Variants in TRIML1 observed in about 807,000 individuals in gnomAD.
TRIML1 encodes probable E3 ubiquitin-protein ligase TRIML1.
TRIML1 carries 34 observed loss-of-function variants against 32.3 expected under a neutral mutation model. The observed-to-expected ratio is 1.05, with a 90% CI of 0.80 to 1.40. The LOEUF is 1.40. Among genes scored for constraint, TRIML1 ranks in the 40% most tolerant of loss-of-function variants. TRIML1 has a pLI of 0.00. For synonymous variants in TRIML1, 244 were observed against 226.6 expected (o/e 1.08, Z -0.69); for missense variants, 595 against 574.9 (o/e 1.03, Z -0.36).
At chr4:188,149,863 C>G (rs555556330), downstream of TRIML1, among the ~76,000 whole-genome samples, 24 of 152,198 alleles carry the variant, frequency 1.6e-4, no homozygotes, top group East Asian at 3.7e-3. Context: ...AATGCAGTGG[C>G]GCCATCTTGG....
chr4:188,137,924 CT>C (rs57365206), upstream of TRIML1, among the ~76,000 whole-genome samples: 18 of 140,760 alleles, frequency 1.3e-4, no homozygotes, highest in African/African-American at 2.8e-4. Context: ...AACTTTTTTT[CT>C]TTTTTTTTTT....
In TRIML1 at chr4:188,139,463, T is replaced by G; in HGVS notation, c.-96T>G. The G allele has an allele frequency of 8.0e-7, 1 of 1,243,082 alleles. No individual in the cohort carries two copies. The highest frequency in any genetic ancestry group is 1.1e-6 in the Non-Finnish European group (1 of 893,456). The allele number at this position is 1,243,082 out of a possible 1,614,324, so 77.0% of individuals were successfully genotyped here. On this transcript the variant is annotated 5_prime_UTR_variant, in exon 1 of 6. Transcript: ENST00000332517. ...CTTGTCATAACAACATAGGAACAGG[T>G]CACCCGCGTGTTACTCAAAACTGTA...
In TRIML1 at chr4:188,147,216, T is replaced by C. The variant is rs747202221; in HGVS notation, c.1251T>C (p.His417=). 1.6e-5 allele frequency: 26 copies of C among 1,613,100 alleles called. No individual in the cohort carries two copies. Among genetic ancestry groups the C allele is most frequent in the Non-Finnish European group, 2.2e-5 (26 of 1,179,728 alleles). The change falls in exon 6 of 6, where the codon CAT becomes CAC. Residue 417 remains histidine (H), a synonymous_variant. Coordinates refer to ENST00000332517, the MANE Select transcript of TRIML1 (RefSeq NM_178556.5). ...VGVFLDYESG[H]IAFYNGTDES... ...TCTTCCTGGACTATGAATCTGGACA[T>C]ATAGCATTCTACAACGGGACGGATG...
chr4:188,139,465 A>C lies in TRIML1; in HGVS notation c.-94A>C. ...TGTCATAACAACATAGGAACAGGTC[A>C]CCCGCGTGTTACTCAAAACTGTAGG... On this transcript the variant is annotated 5_prime_UTR_variant, in exon 1 of 6. Transcript: ENST00000332517. 9.4e-5 allele frequency: 117 copies of C among 1,241,152 alleles called. No individual in the cohort carries two copies. The highest frequency in any genetic ancestry group is 1.2e-4 in the Non-Finnish European group (111 of 890,708). The allele number at this position is 1,241,152 out of a possible 1,614,324, so 76.9% of individuals were successfully genotyped here. A position where few individuals can be genotyped will look rare whatever the true frequency, so the allele number is the denominator to read the frequency against.
At chr4:188,137,775 C>A (rs1734706018), upstream of TRIML1, among the ~76,000 whole-genome samples, 1 of 151,690 alleles carries the variant, frequency 6.6e-6, no homozygotes, top group Admixed American at 6.6e-5. Flanking sequence ...CTGCACCCGG[C>A]CTAATTTTCA....
chr4:188,147,268 G>A lies in TRIML1; in HGVS notation c.1303G>A (p.Ala435Thr), dbSNP rs1735122259. ...DESLIYSFPQ[A>T]SFQEALRPIF... The stretch of plus-strand genomic sequence containing the variant: ...ATCCCTCATCTACAGCTTCCCGCAG[G>A]CTTCTTTCCAAGAGGCCCTCAGGCC... Residue 435 changes from alanine to threonine, a missense_variant, in exon 6 of 6, where the codon GCT (alanine) becomes ACT (threonine). Coordinates refer to ENST00000332517, the MANE Select transcript of TRIML1 (RefSeq NM_178556.5). 6.3e-7 allele frequency: 1 copy of A among 1,583,966 alleles called. No individual in the cohort carries two copies. The highest frequency in any genetic ancestry group is 8.6e-7 in the Non-Finnish European group (1 of 1,165,138).
At position 188,146,819 on chromosome 4, in the gene TRIML1, C is replaced by A. The variant is rs199562569; in HGVS notation, c.857-3C>A. 2 of 1,358,452 alleles carry A rather than the reference C, an allele frequency of 1.5e-6. No individual in the cohort carries two copies. Among genetic ancestry groups the A allele is most frequent in the Non-Finnish European group, 9.5e-7 (1 of 1,049,250 alleles). 84.1% of individuals were successfully genotyped at this position (1,358,452 alleles called of 1,614,324 possible). A position where few individuals can be genotyped will look rare whatever the true frequency, so the allele number is the denominator to read the frequency against. On this transcript the variant is annotated splice_region_variant and splice_polypyrimidine_tract_variant and intron_variant, in intron 5 of 5. Coordinates refer to ENST00000332517, the MANE Select transcript of TRIML1 (RefSeq NM_178556.5). ...GGAAATCTCTTCTTTCCTCCTCTTG[C>A]AGCGGAGATAACGCTGGACCCAGCC...
chr4:188,144,914 T>G (rs1245447155), intron 5 of TRIML1, among the ~76,000 whole-genome samples: 2 of 152,138 alleles, frequency 1.3e-5, no homozygotes, highest in African/African-American at 4.8e-5. Flanking sequence ...TTGTGGACAA[T>G]CTGACCTTCA....
Position 188,143,829 on chromosome 4 carries a change from T to C in TRIML1, c.736-9T>C, listed in dbSNP as rs1432876580. ...GCACCATGCTAACTTCTTTCTTTTT[T>C]ACCCGTAGGAAGTGAGAGGAGCCCT... is the stretch of plus-strand genomic sequence containing the variant. On this transcript the variant is annotated splice_polypyrimidine_tract_variant and intron_variant, in intron 3 of 5. Coordinates refer to ENST00000332517, the MANE Select transcript of TRIML1 (RefSeq NM_178556.5). 1 of 1,614,170 alleles carries C rather than the reference T, an allele frequency of 6.2e-7. No individual in the cohort carries two copies. The highest frequency in any genetic ancestry group is 1.7e-5 in the Admixed American group (1 of 60,014).
chr4:188,143,633 G>C, intron 3 of TRIML1: 1 of 666,464 alleles, frequency 1.5e-6, no homozygotes, highest in Non-Finnish European at 2.7e-6. Flanking sequence ...GTATTCTCTA[G>C]TCATTGTGAG....
At chr4:188,138,288 G>A (rs150600773), upstream of TRIML1, among the ~76,000 whole-genome samples, 905 of 152,188 alleles carry the variant, frequency 5.9e-3, 12 homozygotes, top group African/African-American at 0.021. Flanking sequence ...GAGGTAAGTG[G>A]GAAAGAAGTA....
At chr4:188,143,545 T>C (rs7375979) in intron 3 of TRIML1, 121,138 of 424,732 alleles carry the variant, frequency 0.29, 19,857 homozygotes, top group Non-Finnish European at 0.34. Context: ...CACTGGATGA[T>C]CGAGACTAAC....
chr4:188,142,451 C>G lies in TRIML1; in HGVS notation c.704C>G (p.Ser235Ter). The G allele has an allele frequency of 6.2e-7, 1 of 1,613,728 alleles. No homozygotes were observed. Among genetic ancestry groups the G allele is most frequent in the South Asian group, 1.1e-5 (1 of 91,044 alleles). The change falls in exon 3 of 6, where the codon TCA becomes TGA. Residue 235 changes from serine to a stop codon, truncating the protein, a stop_gained. Coordinates refer to ENST00000332517, the MANE Select transcript of TRIML1 (RefSeq NM_178556.5). LOFTEE classifies it high-confidence loss of function. The part of the protein sequence containing the change: ...LSKMIAQIES[S>*]SQSSAFESLE... ...AAAATGATCGCACAGATTGAGTCCT[C>G]AAGTCAAAGCTCGGCTTTCGAATCT...
rs1474221683 is a variant in TRIML1 at position 188,142,424 on chromosome 4, GC to G, written c.678del (p.Ser226ArgfsTer3). 3 of 1,613,844 alleles carry G rather than the reference GC, an allele frequency of 1.9e-6. No homozygotes were observed. Among genetic ancestry groups the G allele is most frequent in the Non-Finnish European group, 2.5e-6 (3 of 1,180,002 alleles). ...IKLTQQIRSL[S>X]KMIAQIESSS... is the part of the protein sequence containing the mutation. ...CTGACCCAGCAAATCAGAAGCCTAAGCAAAATGATCGCACAGATTGAGTCCT... is the reference window on the plus strand; with the variant it reads ...CTGACCCAGCAAATCAGAAGCCTAAGAAAATGATCGCACAGATTGAGTCCT... On this transcript the variant is annotated frameshift_variant, in exon 3 of 6. Coordinates refer to ENST00000332517, the MANE Select transcript of TRIML1 (RefSeq NM_178556.5). LOFTEE classifies it high-confidence loss of function.
At chr4:188,146,699 G>T (rs977796553) in intron 5 of TRIML1, 123 bp from the exon 6 acceptor site, 4 of 771,536 alleles carry the variant, frequency 5.2e-6, no homozygotes, top group Non-Finnish European at 7.5e-6. Flanking sequence ...GAGCCATCAC[G>T]CCCGGCCCCA....
At chr4:188,150,047 G>A (rs976870256), downstream of TRIML1, among the ~76,000 whole-genome samples, 7 of 151,798 alleles carry the variant, frequency 4.6e-5, no homozygotes, top group Non-Finnish European at 8.8e-5. Context: ...CTCCTGATCC[G>A]CCCACCTCAG....
At position 188,139,673 on chromosome 4, in the gene TRIML1, T is replaced by C; in HGVS notation, c.115T>C (p.Cys39Arg). ...TECGHSFCLVCLLRSWEEHNT... is the reference protein window; with the variant it reads ...TECGHSFCLVRLLRSWEEHNT... ...GTGTGGGCACAGCTTTTGTCTGGTG[T>C]GTCTCCTCAGGAGCTGGGAGGAACA... Residue 39 changes from cysteine (C) to arginine (R), a missense_variant, in exon 1 of 6, where the codon TGT becomes CGT. Transcript: ENST00000332517. 6.2e-7 allele frequency: 1 copy of C among 1,614,048 alleles called. No homozygotes were observed. Among genetic ancestry groups the C allele is most frequent in the Non-Finnish European group, 8.5e-7 (1 of 1,180,002 alleles).
rs770627440 is a variant in TRIML1, at chr4:188,139,782, C to T, written c.224C>T (p.Ala75Val). Residue 75 changes from alanine to valine, a missense_variant, in exon 1 of 6, where the codon GCC becomes GTC. Ala to Val is a moderately conservative substitution (Grantham distance 64). Transcript: ENST00000332517. The stretch of plus-strand genomic sequence containing the variant: ...TCAAACGAGCGTCTGGGGAGGCTGG[C>T]CAGCATCGCCAGGCAGCTCCGGTCC... ...FQSNERLGRL[A>V]SIARQLRSQV... 2 of 1,613,888 alleles carry T rather than the reference C, an allele frequency of 1.2e-6. No individual in the cohort carries two copies. The highest frequency in any genetic ancestry group is 1.3e-5 in the African/African-American group (1 of 75,038).
At chr4:188,137,950 A>G (rs112808047), upstream of TRIML1, among the ~76,000 whole-genome samples, 6 of 144,988 alleles carry the variant, frequency 4.1e-5, no homozygotes, top group African/African-American at 1.5e-4. Flanking sequence ...CTCTTACAAG[A>G]CTAACTCATA....
Sources: allele counts gnomAD v4.1 joint callset (sites outside exome capture counted in the v4.1 genomes callset), GRCh38; gene constraint gnomAD v4.1.1; transcripts MANE v1.5; gene names NCBI Gene and HGNC (gene_info 2026-07-23, HGNC 2026-07-21).